Variants in PVT1 observed in about 807,000 individuals in gnomAD.
The protein encoded by PVT1 is CXCR4/PVT1 fusion.
chr8:127,944,551 C>G (rs1816396587), intron 3 of PVT1, among the ~76,000 whole-genome samples: 1 of 118,070 alleles, frequency 8.5e-6, no homozygotes, highest in Admixed American at 8.5e-5. Flanking sequence ...CCACAGTTGT[C>G]CCATTTTTTT....
At chr8:127,907,915 C>T (rs538848276) in intron 3 of PVT1, among the ~76,000 whole-genome samples, 1 of 152,138 alleles carries the variant, frequency 6.6e-6, no homozygotes, top group East Asian at 1.9e-4. Context: ...CATTCCACAC[C>T]CAGCTTCTTC....
intron 3 of PVT1, among the ~76,000 whole-genome samples, chr8:127,937,319 C>G (rs541093948): frequency 3.4e-4 from 52 of 151,718 alleles, no homozygotes; most frequent in African/African-American, 1.2e-3. Context: ...ACGATCTTGG[C>G]TCACTGCAAC....
intron 2 of PVT1, among the ~76,000 whole-genome samples, chr8:127,848,422 G>T (rs1416145028): frequency 1.3e-5 from 2 of 151,392 alleles, no homozygotes; most frequent in Admixed American, 6.6e-5. Context: ...AGTGGCTCAC[G>T]CCTGTAATCC....
intron 4 of PVT1, among the ~76,000 whole-genome samples, chr8:128,056,945 A>G (rs1813769579): frequency 2.0e-5 from 3 of 152,270 alleles, no homozygotes; most frequent in East Asian, 1.9e-4. Flanking sequence ...ATGCACAACC[A>G]TGATCTCAGA....
intron 2 of PVT1, among the ~76,000 whole-genome samples, chr8:127,883,062 TCACACACA>T (rs10637867): frequency 2.0e-5 from 3 of 147,884 alleles, no homozygotes; most frequent in Non-Finnish European, 4.5e-5. Context: ...TGCACACACA[TCACACACA>T]CACACACACA....
chr8:128,098,520 A>C (rs576920532), intron 6 of PVT1, among the ~76,000 whole-genome samples: 5 of 152,316 alleles, frequency 3.3e-5, no homozygotes, highest in East Asian at 3.9e-4. Context: ...GATGGAGATT[A>C]GTACATGTAG....
At chr8:127,892,101 G>A (rs1358309949) in intron 3 of PVT1, among the ~76,000 whole-genome samples, 3 of 152,218 alleles carry the variant, frequency 2.0e-5, no homozygotes, top group East Asian at 1.9e-4. Flanking sequence ...CAGTTGGGGC[G>A]GGGCCTTGAG....
chr8:128,033,662 A>G (rs1273075380), intron 4 of PVT1, among the ~76,000 whole-genome samples: 2 of 152,174 alleles, frequency 1.3e-5, no homozygotes, highest in African/African-American at 4.8e-5. Context: ...CTGGGGCCTC[A>G]CCAGTTCAGC....
intron 3 of PVT1, among the ~76,000 whole-genome samples, chr8:127,914,753 C>G (rs1020823424): frequency 6.6e-6 from 1 of 150,668 alleles, no homozygotes; most frequent in African/African-American, 2.4e-5. Context: ...AGACAGAAAG[C>G]AGATTAATGG....
chr8:128,046,980 G>A (rs1813622399), intron 4 of PVT1, among the ~76,000 whole-genome samples: 1 of 152,178 alleles, frequency 6.6e-6, no homozygotes, highest in Admixed American at 6.5e-5. Flanking sequence ...TCAGTGGATG[G>A]CCAACCTCTC....
At chr8:127,986,682 C>G (rs951710739) in intron 3 of PVT1, among the ~76,000 whole-genome samples, 2 of 152,204 alleles carry the variant, frequency 1.3e-5, no homozygotes, top group African/African-American at 2.4e-5. Flanking sequence ...CCCTGCTGAG[C>G]AGGTTCAGTG....
chr8:127,805,426 A>G (rs994062090), intron 2 of PVT1, among the ~76,000 whole-genome samples: 1 of 152,062 alleles, frequency 6.6e-6, no homozygotes, highest in African/African-American at 2.4e-5. Context: ...ATTTTTTAGA[A>G]TTTCAGGTAA....
intron 2 of PVT1, among the ~76,000 whole-genome samples, chr8:127,813,972 G>A (rs2129666166): frequency 6.6e-6 from 1 of 152,298 alleles, no homozygotes; most frequent in South Asian, 2.1e-4. Context: ...TAATAGAGAC[G>A]GGGTTTCGCT....
intron 3 of PVT1, among the ~76,000 whole-genome samples, chr8:127,918,147 G>A (rs1254608794): frequency 3.3e-5 from 5 of 152,194 alleles, no homozygotes; most frequent in Admixed American, 6.5e-5. Flanking sequence ...ACTCGGGGGC[G>A]GCCTGCGCCA....
At chr8:127,809,046 AAAAAAAAAAGAAAGAAAAAAAAG>A (rs1814560848) in intron 2 of PVT1, among the ~76,000 whole-genome samples, 1 of 150,008 alleles carries the variant, frequency 6.7e-6, no homozygotes, top group Non-Finnish European at 1.5e-5. Flanking sequence ...AAAAAAAAAA[AAAAAAAAAAGAAAGAAAAAAAAG>A]AAAAAGAAAA....
At chr8:127,889,028 C>T (rs945016133) in intron 2 of PVT1, among the ~76,000 whole-genome samples, 37 of 53,058 alleles carry the variant, frequency 7.0e-4, no homozygotes, top group African/African-American at 2.9e-3. Flanking sequence ...CTTTTCCTTT[C>T]TCTCTTTCTT....
chr8:128,072,135 T>A (rs1814006051), intron 5 of PVT1, among the ~76,000 whole-genome samples: 1 of 152,188 alleles, frequency 6.6e-6, no homozygotes, highest in South Asian at 2.1e-4. Context: ...GGGCCATGAT[T>A]TGAATCCAAA....
intron 2 of PVT1, among the ~76,000 whole-genome samples, chr8:127,853,660 A>T (rs1815129387): frequency 6.6e-6 from 1 of 152,054 alleles, no homozygotes. Flanking sequence ...GGGTGCCTGT[A>T]ATCCCAGCTA....
At chr8:127,962,348 C>T (rs967787979) in intron 3 of PVT1, among the ~76,000 whole-genome samples, 3 of 152,218 alleles carry the variant, frequency 2.0e-5, no homozygotes, top group Non-Finnish European at 2.9e-5. Flanking sequence ...ACATGATCAT[C>T]GGTGGCACTG....
Sources: allele counts gnomAD v4.1 joint callset (sites outside exome capture counted in the v4.1 genomes callset), GRCh38; gene constraint gnomAD v4.1.1; transcripts MANE v1.5; gene names NCBI Gene and HGNC (gene_info 2026-07-23, HGNC 2026-07-21).